ATP12A: variants seen among roughly 807,000 people sequenced by gnomAD.
ATP12A encodes the protein potassium-transporting ATPase alpha chain 2.
Under a neutral mutation model 111.2 loss-of-function variants are expected in ATP12A, and 81 were observed. The observed-to-expected ratio is 0.73, with a 90% CI of 0.61 to 0.88. ATP12A has a LOEUF of 0.88. Ranked by LOEUF, ATP12A falls within the 40% of genes least tolerant of loss-of-function variation. The probability of loss-of-function intolerance (pLI) is 0.00; values close to 1 mark genes in which losing one functional copy is unlikely to be tolerated. For synonymous variants in ATP12A, 498 were observed against 499.8 expected (o/e 1.00, Z 0.05); for missense variants, 1,196 against 1,313.1 (o/e 0.91, Z 1.38).
In ATP12A at chr13:24,707,387, C is replaced by T; in HGVS notation, c.2447C>T (p.Pro816Leu). The T allele has an allele frequency of 6.2e-7, 1 of 1,614,212 alleles. No individual in the cohort carries two copies. Among genetic ancestry groups the T allele is most frequent in the Non-Finnish European group, 8.5e-7 (1 of 1,180,028 alleles). ...TACATCATTGTCGGGCTCCCCCTGC[C>T]CATTGGCACCATCACCATTCTGTTC... ...LIYIIVGLPLPIGTITILFID... is the reference protein window; with the variant it reads ...LIYIIVGLPLLIGTITILFID... Residue 816 changes from proline to leucine, a missense_variant, in exon 17 of 23, where the codon CCC becomes CTC. Transcript: ENST00000381946.
In ATP12A at chr13:24,680,770, G is replaced by A. The variant is rs1240291067; in HGVS notation, c.9+18G>A. ...TGCACCAGGTGCGTGCAGCCCCCGC[G>A]CCGGCCGAGGATGCGAGACGCTGGG... On this transcript the variant is annotated intron_variant, in intron 1 of 22. Transcript: ENST00000381946. 4 of 1,487,688 alleles carry A rather than the reference G, an allele frequency of 2.7e-6. No individual in the cohort carries two copies. The South Asian group carries it at 3.8e-5, about 14-fold the overall frequency. 92.2% of individuals were successfully genotyped at this position (1,487,688 alleles called of 1,614,324 possible).
At position 24,700,461 on chromosome 13, in the gene ATP12A, C is replaced by T. The variant is rs540167179; in HGVS notation, c.1706-286C>T. ...GCTTGATCCCTTTAACTCTGTGCCC[C>T]GCTAAACTTCAGAAGTCGAGACTGT... On this transcript the variant is annotated intron_variant, in intron 12 of 22. Transcript: ENST00000381946. Among the ~76,000 whole-genome samples, 77 of 152,270 alleles carry T rather than the reference C, an allele frequency of 5.1e-4. 1 individual carries two copies. The Middle Eastern group carries it at 0.014, about 27-fold the overall frequency.
Position 24,694,464 on chromosome 13 carries a change from C to T in ATP12A, c.1398C>T (p.Ala466=), listed in dbSNP as rs140677698. The T allele has an allele frequency of 6.8e-6, 11 of 1,613,708 alleles. No homozygotes were observed. The African/African-American group carries it at 1.3e-4, about 20-fold the overall frequency. ...CCCAGAAAGCTGTGATTGGAGATGCCTCAGAAACTGCTCTTTTAAAATTCT... is the reference window on the plus strand; with the variant it reads ...CCCAGAAAGCTGTGATTGGAGATGCTTCAGAAACTGCTCTTTTAAAATTCT... ...PIMKKAVIGD[A]SETALLKFSE... is the part of the protein sequence containing the mutation. The change falls in exon 11 of 23, where the codon GCC becomes GCT. Residue 466 remains alanine (A), a synonymous_variant. Transcript: ENST00000381946.
At chr13:24,693,472 T>G (rs1874997852) in intron 10 of ATP12A, among the ~76,000 whole-genome samples, 2 of 152,176 alleles carry the variant, frequency 1.3e-5, no homozygotes, top group Non-Finnish European at 2.9e-5. Context: ...TTTGTTTGTT[T>G]GTTTGCTTTT....
At position 24,706,434 on chromosome 13, in the gene ATP12A, C is replaced by T. The variant is rs919989981; in HGVS notation, c.2140C>T (p.Leu714=). Residue 714 remains leucine, a synonymous_variant, in exon 15 of 23, where the codon CTG becomes TTG. Coordinates refer to ENST00000381946, the MANE Select transcript of ATP12A (RefSeq NM_001676.7). ...VFARTSPQQK[L]IIVEGCQRQD... Reference sequence around the variant, plus strand: ...TGCCCGGACATCCCCCCAGCAGAAGCTGATCATTGTGGAGGGCTGTCAGAG... The same window carrying T: ...TGCCCGGACATCCCCCCAGCAGAAGTTGATCATTGTGGAGGGCTGTCAGAG... 2 of 1,614,160 alleles carry T rather than the reference C, an allele frequency of 1.2e-6. No individual in the cohort carries two copies. The highest frequency in any genetic ancestry group is 2.2e-5 in the South Asian group (2 of 91,074).
intron 8 of ATP12A, among the ~76,000 whole-genome samples, chr13:24,691,565 C>T (rs953525036): frequency 1.2e-4 from 18 of 152,126 alleles, no homozygotes; most frequent in African/African-American, 3.1e-4. Flanking sequence ...TGATGCCTTC[C>T]GCACATTTCT....
Position 24,694,432 on chromosome 13 carries a change from T to C in ATP12A, c.1378-12T>C. The C allele has an allele frequency of 6.2e-7, 1 of 1,611,618 alleles. No homozygotes were observed. The highest frequency in any genetic ancestry group is 8.5e-7 in the Non-Finnish European group (1 of 1,179,388). On this transcript the variant is annotated splice_polypyrimidine_tract_variant and intron_variant, in intron 10 of 22. Transcript: ENST00000381946. ...ATATGTGCTGCAAATATTTTTCTTC[T>C]TTGATTCCCAGAAAGCTGTGATTGG...
rs1469847434 is a variant in ATP12A at position 24,709,916 on chromosome 13, C to T, written c.2763+88C>T. On this transcript the variant is annotated intron_variant, in intron 19 of 22. Coordinates refer to ENST00000381946, the MANE Select transcript of ATP12A (RefSeq NM_001676.7). Reference sequence around the variant, plus strand: ...AGAATTACATAGAACCTCCATGTCCCTGAACAGCCTGGGAAAGCTTCAATT... The same window carrying T: ...AGAATTACATAGAACCTCCATGTCCTTGAACAGCCTGGGAAAGCTTCAATT... 1.9e-6 allele frequency: 3 copies of T among 1,545,152 alleles called. No individual in the cohort carries two copies. In the East Asian group the frequency reaches 6.8e-5, roughly 35 times the overall value.
At chr13:24,681,507 C>T (rs1031083405) in intron 1 of ATP12A, 55 bp from the exon 2 acceptor site, 9 of 1,583,066 alleles carry the variant, frequency 5.7e-6, no homozygotes, top group Middle Eastern at 1.9e-4. Context: ...GGGCGCTCAG[C>T]ACCTCTTCGG....
intron 11 of ATP12A, among the ~76,000 whole-genome samples, chr13:24,694,851 T>A (rs1187524305): frequency 2.0e-5 from 3 of 148,532 alleles, no homozygotes; most frequent in South Asian, 2.1e-4. Flanking sequence ...AGGCACACAC[T>A]CTCTCTCTCT....
Position 24,705,843 on chromosome 13 carries a change from A to T in ATP12A, c.2019-470A>T, listed in dbSNP as rs564404296. Among the ~76,000 whole-genome samples the T allele has an allele frequency of 8.6e-5, 13 of 151,990 alleles. No homozygotes were observed. The South Asian group carries it at 1.0e-3, about 12-fold the overall frequency. On this transcript the variant is annotated intron_variant, in intron 14 of 22. Transcript: ENST00000381946. ...TGCCACCATACCTGGCTAATTTTTTAAAATTTTTTGTAGAGACAGGGGCTC... is the reference window on the plus strand; with the variant it reads ...TGCCACCATACCTGGCTAATTTTTTTAAATTTTTTGTAGAGACAGGGGCTC...
intron 2 of ATP12A, among the ~76,000 whole-genome samples, chr13:24,683,171 T>C (rs964007801): frequency 1.3e-5 from 2 of 152,186 alleles, no homozygotes; most frequent in African/African-American, 4.8e-5. Flanking sequence ...TTGGCCAGGC[T>C]GCTCTCGAAC....
chr13:24,697,372 A>G (rs1165254602), intron 11 of ATP12A, among the ~76,000 whole-genome samples: 1 of 152,150 alleles, frequency 6.6e-6, no homozygotes, highest in African/African-American at 2.4e-5. Context: ...AGTGGCTCAC[A>G]CCTGTAATCA....
rs1451885567 is a variant in ATP12A at position 24,711,634 on chromosome 13, A to G, written c.*112A>G. The G allele has an allele frequency of 6.8e-7, 1 of 1,469,742 alleles. No homozygotes were observed. Among genetic ancestry groups the G allele is most frequent in the African/African-American group, 1.4e-5 (1 of 71,550 alleles). 91.0% of individuals were successfully genotyped at this position (1,469,742 alleles called of 1,614,324 possible). On this transcript the variant is annotated 3_prime_UTR_variant, in exon 23 of 23. Transcript: ENST00000381946. ...TGCAGACATCGTCAAAATTCAGACA[A>G]GAGGAAATTTTCATGCAGAAAGCTG... is the stretch of plus-strand genomic sequence containing the variant.
intron 3 of ATP12A, among the ~76,000 whole-genome samples, chr13:24,688,081 G>A (rs928724614): frequency 6.6e-6 from 1 of 152,154 alleles, no homozygotes; most frequent in Admixed American, 6.5e-5. Flanking sequence ...TTATTTTAAA[G>A]ACTAAATGAG....
intron 10 of ATP12A, 54 bp from the exon 11 acceptor site, chr13:24,694,390 G>T: frequency 6.2e-7 from 1 of 1,607,086 alleles, no homozygotes; most frequent in Non-Finnish European, 8.5e-7. Context: ...TATGCTGAGG[G>T]CATGTTGGTT....
At chr13:24,687,457 C>A (rs1874712883) in intron 3 of ATP12A, among the ~76,000 whole-genome samples, 1 of 134,026 alleles carries the variant, frequency 7.5e-6, no homozygotes. Flanking sequence ...GAGCGAGACT[C>A]TGTCTCAAAA....
At chr13:24,705,482 T>G (rs1451296392) in intron 14 of ATP12A, among the ~76,000 whole-genome samples, 1 of 152,160 alleles carries the variant, frequency 6.6e-6, no homozygotes, top group African/African-American at 2.4e-5. Context: ...CCCTAGAACC[T>G]TACTTTTATA....
At chr13:24,691,786 G>A (rs1451862358) in intron 8 of ATP12A, among the ~76,000 whole-genome samples, 4 of 152,136 alleles carry the variant, frequency 2.6e-5, no homozygotes, top group Non-Finnish European at 5.9e-5. Flanking sequence ...GGTCTCAAGG[G>A]GTAGGAGAGG....
Sources: gnomAD v4.1 joint callset for allele counts (sites outside exome capture counted in the v4.1 genomes callset) on GRCh38, gnomAD v4.1.1 for gene constraint, MANE v1.5 for transcripts, NCBI Gene and HGNC (gene_info 2026-07-23, HGNC 2026-07-21) for gene names.